RHEBL1: variants seen among roughly 807,000 people sequenced by gnomAD.
RHEBL1 encodes RHEB like 1, also known as GTPase RhebL1.
A neutral mutation model predicts 27.4 loss-of-function variants in RHEBL1; 22 were observed. That is an observed-to-expected ratio of 0.80 (90% CI 0.57 to 1.15). RHEBL1 has a LOEUF of 1.15. Ranked by LOEUF, RHEBL1 falls within the 50% of genes most tolerant of loss-of-function variation. The pLI, the probability that RHEBL1 is intolerant of heterozygous loss-of-function variation, is 0.00. For synonymous variants in RHEBL1, 85 were observed against 80.8 expected, an observed-to-expected ratio of 1.05 and a Z score of -0.28; for missense variants, 186 against 226.5, an observed-to-expected ratio of 0.82 and a Z score of 1.15.
At chr12:49,069,454 T>C (rs1939051273) in intron 1 of RHEBL1, among the ~76,000 whole-genome samples, 1 of 150,802 alleles carries the variant, frequency 6.6e-6, no homozygotes, top group Non-Finnish European at 1.5e-5. Context: ...GGTTTTCAAA[T>C]TGTGACCCCA....
In RHEBL1 at chr12:49,066,454, C is replaced by T. The variant is rs1359792465; in HGVS notation, c.332+22G>A. On this transcript the variant is annotated intron_variant, in intron 5 of 7. Transcript: ENST00000301068. ...CACCCCCTCATGCCCACACTATGTC[C>T]CTATCCCCCAGGGCCACTTACCGGG... 1.9e-6 allele frequency: 3 copies of T among 1,612,470 alleles called. No individual in the cohort carries two copies. In the South Asian group the frequency reaches 3.3e-5, roughly 18 times the overall value.
Position 49,066,285 on chromosome 12 carries a change from G to T in RHEBL1, c.333-7C>A. The T allele has an allele frequency of 6.2e-6, 10 of 1,613,472 alleles. No individual in the cohort carries two copies. The highest frequency in any genetic ancestry group is 1.3e-5 in the African/African-American group (1 of 75,016). ...CACTAGAACCACTGGCACCCTGTGA[G>T]GAAACAGCAGTTACTTCAGAATCCC... is the stretch of plus-strand genomic sequence containing the variant. On this transcript the variant is annotated splice_polypyrimidine_tract_variant and splice_region_variant and intron_variant, in intron 5 of 7. Coordinates refer to ENST00000301068, the MANE Select transcript of RHEBL1 (RefSeq NM_144593.3).
intron 2 of RHEBL1, 79 bp from the exon 3 acceptor site, chr12:49,067,114 T>TG: frequency 3.0e-6 from 3 of 1,009,874 alleles, no homozygotes; most frequent in Non-Finnish European, 4.5e-6. Context: ...TTTTTTTTTT[T>TG]TTTTTGAGAC....
At chr12:49,069,548 G>A (rs537528524) in intron 1 of RHEBL1, among the ~76,000 whole-genome samples, 186 bp downstream of exon 1, 1 of 151,914 alleles carries the variant, frequency 6.6e-6, no homozygotes, top group African/African-American at 2.4e-5. Context: ...CCCGCTTCCT[G>A]CAGCCTCCAC....
intron 2 of RHEBL1, 124 bp from the exon 3 acceptor site, chr12:49,067,159 G>A (rs933169025): frequency 4.7e-6 from 3 of 644,310 alleles, no homozygotes; most frequent in African/African-American, 1.9e-5. Context: ...CTGGGCTGCA[G>A]TGGCATGATC....
intron 1 of RHEBL1, 71 bp downstream of exon 1, chr12:49,069,663 T>C (rs1939056377): frequency 2.9e-6 from 4 of 1,387,302 alleles, no homozygotes; most frequent in Admixed American, 3.3e-5. Flanking sequence ...CTGGGTCGCG[T>C]TCCCACGGCA....
In RHEBL1 at chr12:49,069,045, T is replaced by G. The variant is rs771760577; in HGVS notation, c.114A>C (p.Thr38=). The G allele has an allele frequency of 1.3e-5, 21 of 1,613,856 alleles. No individual in the cohort carries two copies. The Admixed American group carries it at 3.0e-4, about 23-fold the overall frequency. ...GAGAAGTCTACTCACTATTCTCCAC[T>G]GTAGGATCGTAGCCTTCCGAGAACT... is the stretch of plus-strand genomic sequence containing the variant. ...EGEFSEGYDP[T]VENTYSKIVT... The change falls in exon 2 of 8, where the codon ACA becomes ACC. Residue 38 remains threonine, a synonymous_variant. Coordinates refer to ENST00000301068, the MANE Select transcript of RHEBL1 (RefSeq NM_144593.3).
chr12:49,069,573 TCCAATCCTCCACTCTTCC>T (rs147906569), intron 1 of RHEBL1, among the ~76,000 whole-genome samples, 143 bp downstream of exon 1: 1 of 151,538 alleles, frequency 6.6e-6, no homozygotes, highest in Non-Finnish European at 1.5e-5. Context: ...CACCAACTCT[TCCAATCCTCCACTCTTCC>T]ATTCCTCCAC....
At chr12:49,068,199 G>A (rs916897096) in intron 2 of RHEBL1, among the ~76,000 whole-genome samples, 4 of 149,964 alleles carry the variant, frequency 2.7e-5, no homozygotes, top group Admixed American at 6.7e-5. Context: ...GCACGATCTC[G>A]GCTCACTGCA....
Position 49,064,895 on chromosome 12 carries a change from A to G in RHEBL1, c.*208T>C. Reference sequence around the variant, plus strand: ...AACAGAGGGCTAGAGGCCAGTGTCCATGAGAGGTCCTTGCCCCTTTGTAAA... The same window carrying G: ...AACAGAGGGCTAGAGGCCAGTGTCCGTGAGAGGTCCTTGCCCCTTTGTAAA... On this transcript the variant is annotated 3_prime_UTR_variant, in exon 8 of 8. Transcript: ENST00000301068. 1.7e-6 allele frequency: 1 copy of G among 585,310 alleles called. No homozygotes were observed. Among genetic ancestry groups the G allele is most frequent in the Non-Finnish European group, 3.1e-6 (1 of 326,764 alleles). 36.3% of individuals were successfully genotyped at this position (585,310 alleles called of 1,614,324 possible). A position where few individuals can be genotyped will look rare whatever the true frequency, so the allele number is the denominator to read the frequency against.
At chr12:49,067,102 T>TC in intron 2 of RHEBL1, 67 bp from the exon 3 acceptor site, 1 of 498,496 alleles carries the variant, frequency 2.0e-6, no homozygotes, top group East Asian at 5.2e-5. Flanking sequence ...CCCCTGACTT[T>TC]TTTTTTTTTT....
In RHEBL1 at chr12:49,068,678, C is replaced by T. The variant is rs543852182; in HGVS notation, c.124+357G>A. Among the ~76,000 whole-genome samples, 7 of 152,192 alleles carry T rather than the reference C, an allele frequency of 4.6e-5. No homozygotes were observed. In the South Asian group the frequency reaches 1.0e-3, roughly 23 times the overall value. ...CTCGAAATCCAGACCTCAATCCATC[C>T]GCCCGCCTCAGCTTCCCAAAGTGCT... On this transcript the variant is annotated intron_variant, in intron 2 of 7. Coordinates refer to ENST00000301068, the MANE Select transcript of RHEBL1 (RefSeq NM_144593.3).
At chr12:49,066,309 C>T in intron 5 of RHEBL1, 31 bp from the exon 6 acceptor site, 1 of 1,608,466 alleles carries the variant, frequency 6.2e-7, no homozygotes, top group South Asian at 1.1e-5. Context: ...CTTCAGAATC[C>T]CCTCATTCCC....
rs1249874393 is a variant in RHEBL1 at position 49,067,035 on chromosome 12, G to C, written c.125C>G (p.Thr42Ser). The C allele has an allele frequency of 1.2e-6, 2 of 1,612,290 alleles. No homozygotes were observed. Among genetic ancestry groups the C allele is most frequent in the Non-Finnish European group, 1.7e-6 (2 of 1,179,148 alleles). ...GCCAAGAGTCACTATCTTGCTGTAA[G>C]CTGAAAAGAAAAGAAAACTTGACTG... ...SEGYDPTVEN[T>S]YSKIVTLGKD... is the part of the protein sequence containing the mutation. The change falls in exon 3 of 8, where the codon ACT (threonine) becomes AGT (serine). Residue 42 changes from threonine to serine, a missense_variant and splice_region_variant. Thr to Ser is a moderately conservative substitution (Grantham distance 58). Transcript: ENST00000301068.
At chr12:49,065,726 C>T (rs537255079) in intron 6 of RHEBL1, among the ~76,000 whole-genome samples, 2 of 152,144 alleles carry the variant, frequency 1.3e-5, no homozygotes, top group East Asian at 3.9e-4. Flanking sequence ...GAGATCGAGA[C>T]CATCCTGGCT....
intron 2 of RHEBL1, 108 bp downstream of exon 2, chr12:49,068,927 A>T: frequency 1.7e-6 from 2 of 1,178,120 alleles, no homozygotes; most frequent in East Asian, 2.4e-5. Context: ...TGTAATGTCT[A>T]AATAAATCAG....
rs371601258 is a variant in RHEBL1, at chr12:49,065,149, C to T, written c.506G>A (p.Arg169His). 27 of 1,614,006 alleles carry T rather than the reference C, an allele frequency of 1.7e-5. No homozygotes were observed. Among genetic ancestry groups the T allele is most frequent in the African/African-American group, 2.7e-5 (2 of 74,936 alleles). Residue 169 changes from arginine to histidine, a missense_variant, in exon 8 of 8, where the codon CGT (arginine) becomes CAT (histidine). Arg to His is a conservative substitution (Grantham distance 29, BLOSUM62 0). This residue lies in a region of RHEBL1 where 90 missense variants were observed against 95.2 expected (regional missense o/e 0.95). Transcript: ENST00000301068. ...CTCTTGCCCATAGGAATTCTCCACA[C>T]GGGCAATCTCCTGGATGACTTTGGT... is the stretch of plus-strand genomic sequence containing the variant. Reference protein sequence around the residue: ...IFTKVIQEIARVENSYGQERR... With the variant: ...IFTKVIQEIAHVENSYGQERR...
Position 49,065,038 on chromosome 12 carries a change from GC to G in RHEBL1, c.*64del. On this transcript the variant is annotated 3_prime_UTR_variant, in exon 8 of 8. Transcript: ENST00000301068. ...CATACCCGTGAAGTCCTGAGGATCT[GC>G]CCCCCACTGGAACATGGCAAGTGCC... 3 of 1,179,768 alleles carry G rather than the reference GC, an allele frequency of 2.5e-6. No individual in the cohort carries two copies. The highest frequency in any genetic ancestry group is 3.8e-6 in the Non-Finnish European group (3 of 785,180). 73.1% of individuals were successfully genotyped at this position (1,179,768 alleles called of 1,614,324 possible).
chr12:49,066,882 T>G, intron 3 of RHEBL1, 86 bp downstream of exon 3: 1 of 1,197,864 alleles, frequency 8.3e-7, no homozygotes, highest in Non-Finnish European at 1.2e-6. Flanking sequence ...CTTTTAATAC[T>G]ACTTTACGGA....
Sources: allele counts gnomAD v4.1 joint callset (sites outside exome capture counted in the v4.1 genomes callset), GRCh38; gene constraint gnomAD v4.1.1; regional missense constraint gnomAD v4.1.1; transcripts MANE v1.5; gene names NCBI Gene and HGNC (gene_info 2026-07-23, HGNC 2026-07-21).